FBXL13: variants seen among roughly 807,000 people sequenced by gnomAD.
The protein encoded by FBXL13 is F-box and leucine rich repeat protein 13, also known as F-box and leucine-rich repeat protein 13.
FBXL13 carries 67 observed loss-of-function variants against 83.6 expected under a neutral mutation model. The ratio of observed to expected loss-of-function variants is 0.80; its 90% CI spans 0.66 to 0.98. The LOEUF is 0.98. Ranked by LOEUF, FBXL13 falls within the 50% of genes least tolerant of loss-of-function variation. The pLI is 0.00. For synonymous variants in FBXL13, 272 were observed against 299.5 expected (o/e 0.91, Z 0.95); for missense variants, 822 against 866.5 (o/e 0.95, Z 0.64).
At chr7:103,012,374 CAAAAA>C (rs774447997) in intron 6 of FBXL13, among the ~76,000 whole-genome samples, 4 of 52,954 alleles carry the variant, frequency 7.6e-5, no homozygotes, top group Non-Finnish European at 1.5e-4. Context: ...AACTCCAACT[CAAAAA>C]AAAAAAAAAA....
At chr7:103,064,432 A>G (rs79642215) in intron 1 of FBXL13, among the ~76,000 whole-genome samples, 1 of 152,180 alleles carries the variant, frequency 6.6e-6, no homozygotes, top group African/African-American at 2.4e-5. Flanking sequence ...GCAACTTGTA[A>G]ATGCCCAGTA....
intron 6 of FBXL13, among the ~76,000 whole-genome samples, chr7:102,972,087 G>C (rs1034696013): frequency 6.6e-6 from 1 of 151,620 alleles, no homozygotes; most frequent in Non-Finnish European, 1.5e-5. Context: ...GCTTCCAATG[G>C]ACCCTTCACA....
At chr7:102,864,168 C>T (rs1807282149) in intron 16 of FBXL13, among the ~76,000 whole-genome samples, 1 of 152,214 alleles carries the variant, frequency 6.6e-6, no homozygotes, top group African/African-American at 2.4e-5. Context: ...TGCCCTCCAT[C>T]TCTTTCTCCA....
intron 8 of FBXL13, among the ~76,000 whole-genome samples, chr7:102,962,489 A>G (rs926692315): frequency 3.9e-5 from 6 of 152,210 alleles, no homozygotes; most frequent in Non-Finnish European, 8.8e-5. Context: ...CTGAGTATAT[A>G]CCCAAAGGAC....
intron 8 of FBXL13, chr7:102,944,582 G>A: frequency 6.2e-7 from 1 of 1,609,222 alleles, no homozygotes; most frequent in Non-Finnish European, 8.5e-7. Context: ...AAGAAGCAAA[G>A]CGTAATAATT....
At chr7:103,034,599 G>A (rs1426103123) in intron 2 of FBXL13, among the ~76,000 whole-genome samples, 8 of 152,196 alleles carry the variant, frequency 5.3e-5, no homozygotes, top group Admixed American at 4.6e-4. Flanking sequence ...ACACCTCCTC[G>A]CAAGCTGAGG....
chr7:102,903,946 T>TTTTTC lies in FBXL13; in HGVS notation c.1008+9139_1008+9140insGAAAA, dbSNP rs1563068210. On this transcript the variant is annotated intron_variant, in intron 11 of 19. Transcript: ENST00000313221. ...GTAGTTTTCTTTTCTTTTCTTTTTT[T>TTTTTC]TTTTTTTTTTTTTTTTGCTGTATCT... is the stretch of plus-strand genomic sequence containing the variant. 1.0e-3 allele frequency among the ~76,000 whole-genome samples: 144 copies of TTTTTC among 143,038 alleles called. 2 individuals carry two copies. The highest frequency in any genetic ancestry group is 3.6e-3 in the African/African-American group (136 of 38,058). 93.8% of individuals were successfully genotyped at this position (143,038 alleles called of 152,430 possible). A position where few individuals can be genotyped will look rare whatever the true frequency, so the allele number is the denominator to read the frequency against.
At chr7:103,073,811 G>A (rs963640582) in intron 1 of FBXL13, among the ~76,000 whole-genome samples, 4 of 152,012 alleles carry the variant, frequency 2.6e-5, no homozygotes, top group African/African-American at 7.3e-5. Flanking sequence ...GCCTAGGAGC[G>A]TTACTACCCT....
chr7:102,887,384 T>C (rs10257543), intron 11 of FBXL13, among the ~76,000 whole-genome samples: 33,075 of 151,796 alleles, frequency 0.22, 4,032 homozygotes, highest in East Asian at 0.42. Context: ...ACCAATAGGA[T>C]ATACTTACAT....
At chr7:102,814,143 T>C (rs978234579) in intron 19 of FBXL13, among the ~76,000 whole-genome samples, 1 of 152,144 alleles carries the variant, frequency 6.6e-6, no homozygotes, top group African/African-American at 2.4e-5. Context: ...AGAAAAAAAG[T>C]AGGTCTAACT....
At chr7:103,073,510 T>C (rs372543504) in intron 1 of FBXL13, among the ~76,000 whole-genome samples, 30 of 147,868 alleles carry the variant, frequency 2.0e-4, no homozygotes, top group African/African-American at 7.1e-4. Context: ...AATAATAATA[T>C]GTCTTGGAGG....
chr7:102,936,813 C>T (rs1421659005), intron 8 of FBXL13, among the ~76,000 whole-genome samples: 2 of 152,218 alleles, frequency 1.3e-5, no homozygotes, highest in Admixed American at 6.5e-5. Flanking sequence ...CGAGACTACA[C>T]TGTGTTCTAA....
At chr7:102,992,439 C>A (rs1367188962) in intron 6 of FBXL13, among the ~76,000 whole-genome samples, 2 of 152,190 alleles carry the variant, frequency 1.3e-5, no homozygotes, top group Non-Finnish European at 2.9e-5. Context: ...CACCCAGACT[C>A]CAGGGCACAT....
chr7:102,837,009 T>C (rs1802105812), intron 17 of FBXL13, among the ~76,000 whole-genome samples: 1 of 152,224 alleles, frequency 6.6e-6, no homozygotes. Context: ...CCATTTTCTA[T>C]AATGAAGACA....
At chr7:103,022,616 G>A (rs769121907) in intron 6 of FBXL13, among the ~76,000 whole-genome samples, 1 of 152,122 alleles carries the variant, frequency 6.6e-6, no homozygotes, top group Non-Finnish European at 1.5e-5. Context: ...TAACTGGCTA[G>A]CCACACGCGG....
At chr7:102,979,086 T>C (rs1026802177) in intron 6 of FBXL13, among the ~76,000 whole-genome samples, 1 of 152,230 alleles carries the variant, frequency 6.6e-6, no homozygotes, top group Non-Finnish European at 1.5e-5. Flanking sequence ...CTATTGAAAT[T>C]AGATCTGTAG....
chr7:102,811,992 A>G (rs943631459), downstream of FBXL13, among the ~76,000 whole-genome samples: 1 of 152,234 alleles, frequency 6.6e-6, no homozygotes, highest in African/African-American at 2.4e-5. Context: ...AAAACTTTTC[A>G]AAATAACGAT....
At chr7:102,880,763 T>G (rs1292976981) in intron 14 of FBXL13, among the ~76,000 whole-genome samples, 1 of 152,214 alleles carries the variant, frequency 6.6e-6, no homozygotes. Flanking sequence ...AGCTTTGTGC[T>G]AACTTCTTCC....
chr7:102,945,213 G>A (rs1348381781), intron 8 of FBXL13, among the ~76,000 whole-genome samples: 2 of 152,208 alleles, frequency 1.3e-5, no homozygotes, highest in Admixed American at 6.5e-5. Flanking sequence ...AATAAGAAGA[G>A]AATGTGAGAA....
Sources: gnomAD v4.1 joint callset for allele counts (sites outside exome capture counted in the v4.1 genomes callset) on GRCh38, gnomAD v4.1.1 for gene constraint, MANE v1.5 for transcripts, NCBI Gene and HGNC (gene_info 2026-07-23, HGNC 2026-07-21) for gene names.